The following FBXO36 variants were observed in gnomAD, a reference collection of about 807,000 sequenced individuals.
The protein encoded by FBXO36 is F-box only protein 36.
Under a neutral mutation model 17.0 loss-of-function variants are expected in FBXO36, and 18 were observed. The observed-to-expected ratio is 1.06, with a 90% CI of 0.73 to 1.57. FBXO36 has a LOEUF of 1.57. Ranked by LOEUF, FBXO36 falls within the 40% of genes most tolerant of loss-of-function variation. The probability of loss-of-function intolerance (pLI) is 0.00; values close to 1 mark genes in which losing one functional copy is unlikely to be tolerated. For missense variants in FBXO36, 229 were observed against 221.9 expected (o/e 1.03, Z -0.20); for synonymous variants, 83 against 85.3 (o/e 0.97, Z 0.15).
intron 3 of FBXO36, among the ~76,000 whole-genome samples, chr2:229,999,094 G>A (rs1415467717): frequency 3.4e-5 from 5 of 146,858 alleles, no homozygotes; most frequent in Non-Finnish European, 6.0e-5. Flanking sequence ...GAGCCACCGC[G>A]CCTGGCCAAA....
At chr2:229,957,299 G>A (rs2077093562) in intron 1 of FBXO36, among the ~76,000 whole-genome samples, 3 of 152,170 alleles carry the variant, frequency 2.0e-5, no homozygotes, top group South Asian at 2.1e-4. Context: ...GAAGTAGGCC[G>A]GGCACGGTGG....
chr2:229,961,526 C>A (rs753031534), intron 1 of FBXO36, among the ~76,000 whole-genome samples: 1 of 152,110 alleles, frequency 6.6e-6, no homozygotes, highest in East Asian at 1.9e-4. Flanking sequence ...CGGGCGCATG[C>A]CACCACGCCC....
chr2:229,964,989 G>A (rs146170492), intron 1 of FBXO36, among the ~76,000 whole-genome samples: 2,702 of 152,200 alleles, frequency 0.018, 45 homozygotes, highest in Admixed American at 0.028. Flanking sequence ...CATGGAATAA[G>A]TTTTTATGTT....
chr2:229,946,012 A>G (rs1429461906), intron 1 of FBXO36, among the ~76,000 whole-genome samples: 2 of 151,732 alleles, frequency 1.3e-5, no homozygotes, highest in Admixed American at 1.3e-4. Context: ...ACGAGAGCGA[A>G]ACTCCATCTA....
At chr2:229,961,043 G>A (rs762552649) in intron 1 of FBXO36, among the ~76,000 whole-genome samples, 1 of 152,036 alleles carries the variant, frequency 6.6e-6, no homozygotes, top group Non-Finnish European at 1.5e-5. Flanking sequence ...GGGAGGCAGA[G>A]GTTGCAGTGA....
At chr2:229,929,682 C>T (rs964841232) in intron 1 of FBXO36, among the ~76,000 whole-genome samples, 1 of 151,726 alleles carries the variant, frequency 6.6e-6, no homozygotes, top group Non-Finnish European at 1.5e-5. Context: ...ACCAGCCTGG[C>T]CAACATTCTA....
In FBXO36 at chr2:229,923,811, G is replaced by A. The variant is rs961886964; in HGVS notation, c.96+1202G>A. ...CACATTTAGTGATGTATGAAATACT[G>A]AAAGGTATCCTTTTCTGTACTTTTT... On this transcript the variant is annotated intron_variant, in intron 1 of 3. Transcript: ENST00000283946. Among the ~76,000 whole-genome samples the A allele has an allele frequency of 5.1e-4, 75 of 148,050 alleles. 1 individual carries two copies. The highest frequency in any genetic ancestry group is 5.0e-3 in the Admixed American group (74 of 14,918).
intron 1 of FBXO36, among the ~76,000 whole-genome samples, chr2:229,970,648 C>T (rs1006059967): frequency 4.6e-5 from 7 of 152,084 alleles, no homozygotes; most frequent in Admixed American, 2.6e-4. Flanking sequence ...GACAATATTC[C>T]GTGTGAAACA....
At chr2:230,004,022 CCACAGTCGTAGCCAG>C (rs374967415) in intron 3 of FBXO36, among the ~76,000 whole-genome samples, 339 of 152,328 alleles carry the variant, frequency 2.2e-3, no homozygotes, top group African/African-American at 7.9e-3. Flanking sequence ...AGAATGAGGT[CCACAGTCGTAGCCAG>C]CACAGCCACG....
At chr2:229,998,992 C>T (rs955396773) in intron 3 of FBXO36, among the ~76,000 whole-genome samples, 1 of 151,612 alleles carries the variant, frequency 6.6e-6, no homozygotes, top group African/African-American at 2.4e-5. Flanking sequence ...TTAGTAGAGA[C>T]GGGGTTTCAC....
chr2:230,000,851 C>CTTTTTTTTTTTTTTTTTTTTTTTTTT (rs71049612), intron 3 of FBXO36, among the ~76,000 whole-genome samples: 1 of 89,486 alleles, frequency 1.1e-5, no homozygotes, highest in African/African-American at 4.1e-5. Context: ...AACCACTTTT[C>CTTTTTTTTTTTTTTTTTTTTTTTTTT]TTTTTTTTTT....
At chr2:229,934,549 C>A (rs1219162142) in intron 1 of FBXO36, among the ~76,000 whole-genome samples, 1 of 152,166 alleles carries the variant, frequency 6.6e-6, no homozygotes, top group Non-Finnish European at 1.5e-5. Context: ...GTTTGGAAAA[C>A]CAGTCAGCAG....
chr2:229,933,742 A>G (rs1304457035), intron 1 of FBXO36, among the ~76,000 whole-genome samples: 2 of 152,066 alleles, frequency 1.3e-5, no homozygotes, highest in Non-Finnish European at 2.9e-5. Flanking sequence ...CTGGAGTGCA[A>G]TAGCACCATC....
chr2:229,925,037 C>G (rs1395303634), intron 1 of FBXO36, among the ~76,000 whole-genome samples: 1 of 151,966 alleles, frequency 6.6e-6, no homozygotes, highest in African/African-American at 2.4e-5. Flanking sequence ...GCCCTAACTA[C>G]TCTTTTTTAA....
At chr2:229,988,418 A>G (rs549510133) in intron 2 of FBXO36, among the ~76,000 whole-genome samples, 20 of 152,294 alleles carry the variant, frequency 1.3e-4, no homozygotes, top group African/African-American at 4.8e-4. Context: ...CCCGTTTTTT[A>G]CACAAATAGC....
intron 1 of FBXO36, among the ~76,000 whole-genome samples, chr2:229,933,335 G>A (rs2106155659): frequency 6.6e-6 from 1 of 152,246 alleles, no homozygotes; most frequent in East Asian, 1.9e-4. Flanking sequence ...AGAGGTTGCA[G>A]TGAGCTGACA....
intron 3 of FBXO36, among the ~76,000 whole-genome samples, chr2:230,007,896 T>G (rs935327155): frequency 6.6e-6 from 1 of 152,072 alleles, no homozygotes. Context: ...CCCTGGCTAA[T>G]TTTTGTATTT....
In FBXO36 at chr2:229,927,707, TC is replaced by T. The variant is rs536469507; in HGVS notation, c.96+5100del. ...GTCTTGTTTTATCTCTTTTTCTAAA[TC>T]CTATCCAAAGCTCCAAAAAGATATA... On this transcript the variant is annotated intron_variant, in intron 1 of 3. Transcript: ENST00000283946. 3.0e-3 allele frequency among the ~76,000 whole-genome samples: 445 copies of T among 149,042 alleles called. 1 individual carries two copies. The highest frequency in any genetic ancestry group is 0.011 in the African/African-American group (432 of 40,312).
intron 1 of FBXO36, among the ~76,000 whole-genome samples, chr2:229,934,729 G>A (rs1175500072): frequency 6.6e-6 from 1 of 152,066 alleles, no homozygotes; most frequent in Non-Finnish European, 1.5e-5. Flanking sequence ...ATCTTGGCTC[G>A]CTGCAACCTC....
Sources: gnomAD v4.1 joint callset for allele counts (sites outside exome capture counted in the v4.1 genomes callset) on GRCh38, gnomAD v4.1.1 for gene constraint, MANE v1.5 for transcripts, NCBI Gene and HGNC (gene_info 2026-07-23, HGNC 2026-07-21) for gene names.